FAXC: variants seen among roughly 807,000 people sequenced by gnomAD.
The protein encoded by FAXC is failed axon connections homolog, metaxin like GST domain containing.
In FAXC, 10 loss-of-function variants were observed where a neutral mutation model predicts 41.9. The observed-to-expected ratio is 0.24, with a 90% CI of 0.15 to 0.41. The LOEUF is 0.41. FAXC is among the 10% of genes least tolerant of loss of function. The pLI is 1.00. For missense variants in FAXC, 399 were observed against 510.9 expected (o/e 0.78, Z 2.11); for synonymous variants, 183 against 183.8 (o/e 1.00, Z 0.03).
chr6:99,321,657 T>C (rs962439731), intron 4 of FAXC, among the ~76,000 whole-genome samples: 4 of 152,268 alleles, frequency 2.6e-5, no homozygotes, highest in Admixed American at 2.6e-4. Flanking sequence ...ATACTTATCA[T>C]GTATCCAGCC....
At chr6:99,321,729 A>G (rs1772594800) in intron 4 of FAXC, among the ~76,000 whole-genome samples, 1 of 152,236 alleles carries the variant, frequency 6.6e-6, no homozygotes, top group South Asian at 2.1e-4. Context: ...CATTGTCTAA[A>G]TCGCTAAACG....
rs1496979 is a variant in FAXC, at chr6:99,280,566, A to G, written c.*598T>C. 55,601 of 152,574 alleles carry G rather than the reference A, an allele frequency of 0.36. 10,676 individuals are homozygous for G. Among genetic ancestry groups the G allele is most frequent in the Middle Eastern group, 0.43 (126 of 294 alleles). The allele number at this position is 152,574 out of a possible 1,614,324, so 9.5% of individuals were successfully genotyped here. The stretch of plus-strand genomic sequence containing the variant: ...TGAGGCACCCAATAGTTAATAAGAG[A>G]TTTGCTCAAAATCACACAGCTAGTC... On this transcript the variant is annotated 3_prime_UTR_variant, in exon 6 of 6. Transcript: ENST00000389677.
At chr6:99,344,310 TC>T (rs1192675774) in intron 1 of FAXC, among the ~76,000 whole-genome samples, 1 of 152,164 alleles carries the variant, frequency 6.6e-6, no homozygotes, top group Non-Finnish European at 1.5e-5. Context: ...TTTTGCAATT[TC>T]CATCTTCATT....
In FAXC at chr6:99,272,570, CCTT is replaced by C. The variant is rs1447619525; in HGVS notation, c.*8591_*8593del. The C allele has an allele frequency of 6.6e-5, 10 of 152,370 alleles. No homozygotes were observed. Among genetic ancestry groups the C allele is most frequent in the South Asian group, 4.1e-4 (2 of 4,826 alleles). 9.4% of individuals were successfully genotyped at this position (152,370 alleles called of 1,614,324 possible). A position where few individuals can be genotyped will look rare whatever the true frequency, so the allele number is the denominator to read the frequency against. On this transcript the variant is annotated 3_prime_UTR_variant, in exon 6 of 6. Transcript: ENST00000389677. Reference sequence around the variant, plus strand: ...ATGTGCTCCCAGCTCTCCCTCTCCTCCTTGTCTTCTCTCTACCAGTGGTTCTCA... The same window carrying C: ...ATGTGCTCCCAGCTCTCCCTCTCCTCGTCTTCTCTCTACCAGTGGTTCTCA...
rs765889116 is a variant in FAXC, at chr6:99,278,262, A to G, written c.*2902T>C. On this transcript the variant is annotated 3_prime_UTR_variant, in exon 6 of 6. Transcript: ENST00000389677. Reference sequence around the variant, plus strand: ...CTGTTCTGATGGAGAGTAAAGCTCAATGATTCTGCTCATTAATCTTGTTGA... The same window carrying G: ...CTGTTCTGATGGAGAGTAAAGCTCAGTGATTCTGCTCATTAATCTTGTTGA... 1 of 152,250 alleles carries G rather than the reference A, an allele frequency of 6.6e-6. No individual in the cohort carries two copies. Among genetic ancestry groups the G allele is most frequent in the South Asian group, 2.1e-4 (1 of 4,836 alleles). The allele number at this position is 152,250 out of a possible 1,614,324, so 9.4% of individuals were successfully genotyped here.
At chr6:99,281,578 T>G in intron 5 of FAXC, 125 bp from the exon 6 acceptor site, 1 of 795,604 alleles carries the variant, frequency 1.3e-6, no homozygotes. Context: ...TCTAAGGAGG[T>G]GGGGCCTTTA....
At chr6:99,307,322 C>T (rs530523122) in intron 4 of FAXC, among the ~76,000 whole-genome samples, 2 of 151,810 alleles carry the variant, frequency 1.3e-5, no homozygotes, top group East Asian at 1.9e-4. Flanking sequence ...TTTAAAGATA[C>T]GAGACTTAAA....
intron 3 of FAXC, 65 bp downstream of exon 3, chr6:99,333,286 C>T (rs1033968545): frequency 7.3e-7 from 1 of 1,367,940 alleles, no homozygotes; most frequent in South Asian, 1.4e-5. Flanking sequence ...GAAAGAGGAT[C>T]TGAAAAGTGA....
intron 1 of FAXC, among the ~76,000 whole-genome samples, chr6:99,348,128 T>G (rs910334192): frequency 6.6e-6 from 1 of 152,198 alleles, no homozygotes; most frequent in Non-Finnish European, 1.5e-5. Context: ...TATAACCTAT[T>G]GTGTAGGATT....
chr6:99,295,503 C>T (rs1771450953), intron 4 of FAXC, among the ~76,000 whole-genome samples: 1 of 152,170 alleles, frequency 6.6e-6, no homozygotes, highest in South Asian at 2.1e-4. Flanking sequence ...AGGCTGACCC[C>T]TCACCTGAGT....
rs1346729471 is a variant in FAXC at position 99,280,028 on chromosome 6, A to C, written c.*1136T>G. On this transcript the variant is annotated 3_prime_UTR_variant, in exon 6 of 6. Coordinates refer to ENST00000389677, the MANE Select transcript of FAXC (RefSeq NM_032511.4). Reference sequence around the variant, plus strand: ...AAAATCAATGAAATACTTTCCCTTCAACTCTATGAAACCTGCCATATACCT... The same window carrying C: ...AAAATCAATGAAATACTTTCCCTTCCACTCTATGAAACCTGCCATATACCT... 6.6e-6 allele frequency: 1 copy of C among 152,204 alleles called. No individual in the cohort carries two copies. Among genetic ancestry groups the C allele is most frequent in the Non-Finnish European group, 1.5e-5 (1 of 68,048 alleles). The allele number at this position is 152,204 out of a possible 1,614,324, so 9.4% of individuals were successfully genotyped here.
intron 3 of FAXC, among the ~76,000 whole-genome samples, chr6:99,324,450 G>T (rs2128460219): frequency 6.6e-6 from 1 of 152,144 alleles, no homozygotes; most frequent in South Asian, 2.1e-4. Context: ...TAAATGATTT[G>T]CTCTCCAAGA....
In FAXC at chr6:99,280,001, T is replaced by C. The variant is rs939454291; in HGVS notation, c.*1163A>G. The C allele has an allele frequency of 2.6e-5, 4 of 152,330 alleles. No individual in the cohort carries two copies. Among genetic ancestry groups the C allele is most frequent in the Middle Eastern group, 3.4e-3 (1 of 294 alleles). The allele number at this position is 152,330 out of a possible 1,614,324, so 9.4% of individuals were successfully genotyped here. The stretch of plus-strand genomic sequence containing the variant: ...TTACAAGTTGGCAGGCTTCTGCTTA[T>C]AAAAATCAATGAAATACTTTCCCTT... On this transcript the variant is annotated 3_prime_UTR_variant, in exon 6 of 6. Coordinates refer to ENST00000389677, the MANE Select transcript of FAXC (RefSeq NM_032511.4).
At chr6:99,330,809 G>C (rs1007560884) in intron 3 of FAXC, among the ~76,000 whole-genome samples, 7 of 152,262 alleles carry the variant, frequency 4.6e-5, no homozygotes, top group African/African-American at 1.7e-4. Context: ...TACAAATTTT[G>C]GTCAGATCCC....
chr6:99,323,542 A>G lies in FAXC; in HGVS notation c.725T>C (p.Val242Ala). 6.8e-6 allele frequency: 11 copies of G among 1,614,192 alleles called. No homozygotes were observed. The highest frequency in any genetic ancestry group is 5.9e-6 in the Non-Finnish European group (7 of 1,180,028). The change falls in exon 4 of 6, where the codon GTG becomes GCG. Residue 242 changes from valine (V) to alanine (A), a missense_variant. Around this residue, in one of 3 missense-constraint regions of FAXC, gnomAD observed 239 missense variants for 352.7 expected, o/e 0.68. Coordinates refer to ENST00000389677, the MANE Select transcript of FAXC (RefSeq NM_032511.4). ...WVVCHITKGI[V>A]KREMHGHGIG... ...GCCGTGGCCGTGCATCTCGCGTTTC[A>G]CAATTCCTTTCGTTATGTGGCACAC...
intron 5 of FAXC, among the ~76,000 whole-genome samples, chr6:99,288,859 TACAC>T (rs55895848): frequency 2.1e-5 from 3 of 145,734 alleles, no homozygotes; most frequent in Admixed American, 6.7e-5. Flanking sequence ...CACACACACA[TACAC>T]ACACACACAC....
intron 4 of FAXC, among the ~76,000 whole-genome samples, chr6:99,293,012 G>T (rs375095762): frequency 1.9e-4 from 29 of 152,216 alleles, no homozygotes; most frequent in African/African-American, 5.8e-4. Context: ...TCGCCATGTT[G>T]GCCATGCTGA....
chr6:99,341,660 A>G (rs930291697), intron 2 of FAXC, among the ~76,000 whole-genome samples: 1 of 152,230 alleles, frequency 6.6e-6, no homozygotes, highest in Non-Finnish European at 1.5e-5. Flanking sequence ...CAACAGATAC[A>G]CTTGAATATT....
intron 5 of FAXC, among the ~76,000 whole-genome samples, chr6:99,283,686 A>G (rs1308582076): frequency 6.6e-6 from 1 of 152,170 alleles, no homozygotes; most frequent in Admixed American, 6.6e-5. Context: ...GAAACGCCTC[A>G]CCAGGTATTG....
Sources: gnomAD v4.1 joint callset for allele counts (sites outside exome capture counted in the v4.1 genomes callset) on GRCh38, gnomAD v4.1.1 for gene constraint, gnomAD v4.1.1 regional missense constraint, MANE v1.5 for transcripts, NCBI Gene and HGNC (gene_info 2026-07-23, HGNC 2026-07-21) for gene names.